The following PCDH11Y variants were observed in gnomAD, a reference collection of about 807,000 sequenced individuals.
PCDH11Y encodes the protein protocadherin 11 Y-linked.
For missense variants in PCDH11Y, 12 were observed against 224.8 expected, an observed-to-expected ratio of 0.05 and a Z score of 6.05; for synonymous variants, 9 against 83.6, an observed-to-expected ratio of 0.11 and a Z score of 4.87.
intron 1 of PCDH11Y, among the ~76,000 whole-genome samples, chrY:5,070,378 TA>T (rs2052698153): frequency 3.1e-5 from 1 of 31,927 alleles, no homozygotes; most frequent in Non-Finnish European, 7.6e-5. Context: ...TATGAATTAC[TA>T]AACACTTTCC....
At chrY:5,064,834 G>A (rs2124629578) in intron 1 of PCDH11Y, among the ~76,000 whole-genome samples, 6 of 27,595 alleles carry the variant, frequency 2.2e-4, no homozygotes, top group South Asian at 1.8e-3. Flanking sequence ...TTAGCCTCCC[G>A]AGTAGCTGGG....
intron 2 of PCDH11Y, among the ~76,000 whole-genome samples, chrY:5,430,354 A>G: frequency 2.9e-5 from 1 of 34,025 alleles, no homozygotes; most frequent in Admixed American, 2.7e-4. Flanking sequence ...TAAATTATAC[A>G]TTATAAAACA....
intron 3 of PCDH11Y, among the ~76,000 whole-genome samples, chrY:5,533,782 C>T: frequency 3.0e-5 from 1 of 33,272 alleles, no homozygotes; most frequent in Non-Finnish European, 7.4e-5. Context: ...TCACTATTTT[C>T]TGGCCTTCAT....
At chrY:5,295,350 C>G in intron 2 of PCDH11Y, among the ~76,000 whole-genome samples, 1 of 32,790 alleles carries the variant, frequency 3.0e-5, no homozygotes, top group South Asian at 6.7e-4. Flanking sequence ...GTTTCTTTTT[C>G]TACCTCCTCT....
chrY:5,341,722 C>T (rs2053145302), intron 2 of PCDH11Y, among the ~76,000 whole-genome samples: 2 of 31,916 alleles, frequency 6.3e-5, no homozygotes, highest in Non-Finnish European at 1.5e-4. Flanking sequence ...TTTGGGAGGC[C>T]GAGGCAGGTG....
chrY:5,227,606 G>A, intron 2 of PCDH11Y, among the ~76,000 whole-genome samples: 2 of 32,776 alleles, frequency 6.1e-5, no homozygotes, highest in Non-Finnish European at 7.5e-5. Context: ...GGAATGTCCC[G>A]TCTATTCCCA....
intron 2 of PCDH11Y, among the ~76,000 whole-genome samples, chrY:5,450,222 C>T (rs2053292040): frequency 3.1e-5 from 1 of 31,935 alleles, no homozygotes; most frequent in East Asian, 8.2e-4. Context: ...AAGGTATCTA[C>T]CAAAATTATC....
intron 2 of PCDH11Y, among the ~76,000 whole-genome samples, chrY:5,479,840 A>G (rs2053323731): frequency 8.2e-3 from 274 of 33,319 alleles, no homozygotes; most frequent in African/African-American, 0.029. Context: ...ATACTTGTGT[A>G]TGGTTCACAA....
At chrY:5,473,050 C>T (rs2053315616) in intron 2 of PCDH11Y, among the ~76,000 whole-genome samples, 1 of 33,181 alleles carries the variant, frequency 3.0e-5, no homozygotes, top group African/African-American at 1.2e-4. Flanking sequence ...TGACATTTCT[C>T]AGTCCATAGC....
intron 4 of PCDH11Y, among the ~76,000 whole-genome samples, chrY:5,603,916 AAAG>A (rs2053476214): frequency 2.5e-4 from 7 of 28,121 alleles, no homozygotes; most frequent in African/African-American, 7.2e-4. Flanking sequence ...AGAAAGAAAG[AAAG>A]AAAGAAAAGA....
chrY:5,054,480 C>G, upstream of PCDH11Y, among the ~76,000 whole-genome samples: 1 of 20,902 alleles, frequency 4.8e-5, no homozygotes, highest in African/African-American at 1.9e-4. Context: ...CTGTATATGT[C>G]CATGAGTTCT....
At chrY:5,540,295 C>T in intron 3 of PCDH11Y, among the ~76,000 whole-genome samples, 1 of 33,358 alleles carries the variant, frequency 3.0e-5, no homozygotes, top group Non-Finnish European at 7.5e-5. Flanking sequence ...TATGCACATG[C>T]ACACACATAC....
At chrY:5,044,208 G>C in intron 3 of PCDH11Y, among the ~76,000 whole-genome samples, 1 of 31,759 alleles carries the variant, frequency 3.1e-5, no homozygotes, top group African/African-American at 1.2e-4. Flanking sequence ...ATGTTAGGGT[G>C]TCAATTTTTG....
intron 1 of PCDH11Y, among the ~76,000 whole-genome samples, chrY:5,022,956 T>C: frequency 3.0e-5 from 1 of 33,879 alleles, no homozygotes; most frequent in African/African-American, 1.1e-4. Context: ...CAGAATAAGG[T>C]AAACTTTTCT....
At chrY:5,115,578 G>A in intron 2 of PCDH11Y, among the ~76,000 whole-genome samples, 1 of 30,758 alleles carries the variant, frequency 3.3e-5, no homozygotes, top group Admixed American at 3.0e-4. Context: ...TTATAACATG[G>A]CAGAGCTACT....
intron 1 of PCDH11Y, among the ~76,000 whole-genome samples, chrY:5,090,927 G>C: frequency 3.0e-5 from 1 of 32,820 alleles, no homozygotes; most frequent in Non-Finnish European, 7.5e-5. Flanking sequence ...GTCTTTTCTA[G>C]TACTAGTATT....
chrY:5,525,778 A>G (rs2053387012), intron 3 of PCDH11Y, among the ~76,000 whole-genome samples: 1 of 31,715 alleles, frequency 3.2e-5, no homozygotes, highest in East Asian at 8.3e-4. Flanking sequence ...ACACTCTTGG[A>G]GTTTATCTTT....
intron 2 of PCDH11Y, among the ~76,000 whole-genome samples, chrY:5,431,802 G>T: frequency 6.1e-5 from 2 of 32,775 alleles, no homozygotes; most frequent in Admixed American, 5.7e-4. Flanking sequence ...GATTTTTTTC[G>T]CTCACTAATA....
chrY:5,554,596 AGGGACTTGGT>A (rs2053422011), intron 3 of PCDH11Y, among the ~76,000 whole-genome samples: 2 of 33,388 alleles, frequency 6.0e-5, no homozygotes, highest in Non-Finnish European at 1.5e-4. Flanking sequence ...AGTGTTGCCT[AGGGACTTGGT>A]GCCCTGTGTC....
Sources: gnomAD v4.1 joint callset for allele counts (sites outside exome capture counted in the v4.1 genomes callset) on GRCh38, gnomAD v4.1.1 for gene constraint, MANE v1.5 for transcripts, NCBI Gene and HGNC (gene_info 2026-07-23, HGNC 2026-07-21) for gene names.